SLC39A10: variants seen among roughly 807,000 people sequenced by gnomAD.
SLC39A10 encodes solute carrier family 39 member 10.
In SLC39A10, 13 loss-of-function variants were observed where a neutral mutation model predicts 65.1. That is an observed-to-expected ratio of 0.20 (90% CI 0.13 to 0.32). The LOEUF is 0.32. Among genes scored for constraint, SLC39A10 ranks in the 10% least tolerant of loss-of-function variants. SLC39A10 has a pLI of 1.00. For synonymous variants in SLC39A10, 321 were observed against 342.2 expected (o/e 0.94, Z 0.68); for missense variants, 831 against 1,018.4 (o/e 0.82, Z 2.50).
chr2:195,634,383 A>G (rs1411074052), intron 2 of SLC39A10, among the ~76,000 whole-genome samples: 1 of 152,100 alleles, frequency 6.6e-6, no homozygotes, highest in Non-Finnish European at 1.5e-5. Flanking sequence ...AAGTGTTCTC[A>G]TTATGTTTTT....
chr2:195,729,427 C>T (rs1692360725), intron 9 of SLC39A10, among the ~76,000 whole-genome samples: 2 of 152,218 alleles, frequency 1.3e-5, no homozygotes, highest in South Asian at 4.1e-4. Context: ...CCTATTCTCA[C>T]CCTCAGCTGA....
At chr2:195,714,985 C>T (rs1169020579) in intron 6 of SLC39A10, among the ~76,000 whole-genome samples, 1 of 152,062 alleles carries the variant, frequency 6.6e-6, no homozygotes, top group East Asian at 1.9e-4. Context: ...ATCTCCTGAC[C>T]TCGTGATTCG....
At chr2:195,675,474 C>T (rs113755769) in intron 1 of SLC39A10, among the ~76,000 whole-genome samples, 8 of 152,306 alleles carry the variant, frequency 5.3e-5, no homozygotes, top group African/African-American at 1.2e-4. Flanking sequence ...CTCGCTCTGT[C>T]GCCCAGGCTG....
At chr2:195,693,189 A>G (rs10177772) in intron 3 of SLC39A10, among the ~76,000 whole-genome samples, 80,337 of 151,946 alleles carry the variant, frequency 0.53, 21,755 homozygotes, top group Non-Finnish European at 0.6. Flanking sequence ...TGATCATGGT[A>G]GATTACCGTT....
intron 2 of SLC39A10, among the ~76,000 whole-genome samples, chr2:195,618,330 G>A (rs1297852625): frequency 1.4e-5 from 2 of 145,126 alleles, no homozygotes; most frequent in African/African-American, 2.6e-5. Flanking sequence ...CAGCCTGGGT[G>A]TCAGAATGAG....
chr2:195,680,318 A>AGAGAGAAAAGTAGTT lies in SLC39A10; in HGVS notation c.281_295dup (p.Arg94_Glu98dup). The AGAGAGAAAAGTAGTT allele has an allele frequency of 6.2e-7, 1 of 1,614,150 alleles. No individual in the cohort carries two copies. The highest frequency in any genetic ancestry group is 8.5e-7 in the Non-Finnish European group (1 of 1,180,016). ...AACTTTTAACAAACTTGGGCCTTGG[A>AGAGAGAAAAGTAGTT]GAGAGAAAAGTAGTTGAGATTAATC... On this transcript the variant is annotated inframe_insertion, in exon 2 of 10. Transcript: ENST00000359634.
intron 8 of SLC39A10, among the ~76,000 whole-genome samples, chr2:195,722,545 A>G (rs1692084609): frequency 6.6e-6 from 1 of 152,228 alleles, no homozygotes; most frequent in Non-Finnish European, 1.5e-5. Flanking sequence ...CTCTGATCAG[A>G]TCATCTATTC....
chr2:195,669,547 T>A (rs926978543), intron 1 of SLC39A10, among the ~76,000 whole-genome samples: 3 of 152,246 alleles, frequency 2.0e-5, no homozygotes, highest in African/African-American at 7.2e-5. Flanking sequence ...TAAAAAACAA[T>A]CTAAGACAAA....
chr2:195,662,854 G>T (rs1689461360), intron 1 of SLC39A10, among the ~76,000 whole-genome samples: 1 of 152,184 alleles, frequency 6.6e-6, no homozygotes, highest in Non-Finnish European at 1.5e-5. Context: ...TGCTCTTGCG[G>T]TAAAATACTT....
At position 195,680,746 on chromosome 2, in the gene SLC39A10, A is replaced by G. The variant is rs758431832; in HGVS notation, c.704A>G (p.Lys235Arg). 7 of 1,614,190 alleles carry G rather than the reference A, an allele frequency of 4.3e-6. 1 individual carries two copies. The South Asian group carries it at 7.7e-5, about 18-fold the overall frequency. Reference protein sequence around the residue: ...DVKLPKGKRKKKGRKSNENSE... With the variant: ...DVKLPKGKRKRKGRKSNENSE... ...AAACTACCGAAAGGAAAGAGGAAGA[A>G]AAAAGGGAGGAAAAGTAATGAAAAT... The change falls in exon 2 of 10, where the codon AAA (lysine) becomes AGA (arginine). Residue 235 changes from lysine (K) to arginine (R), a missense_variant. By Grantham distance (26) the Lys-to-Arg change is conservative (BLOSUM62 2). Coordinates refer to ENST00000359634, the MANE Select transcript of SLC39A10 (RefSeq NM_020342.3).
upstream of SLC39A10, among the ~76,000 whole-genome samples, chr2:195,654,260 G>T (rs1313300165): frequency 9.2e-5 from 14 of 152,260 alleles, no homozygotes; most frequent in South Asian, 2.7e-3. Context: ...GTTCTTTATA[G>T]ATTTCATTAA....
intron 3 of SLC39A10, among the ~76,000 whole-genome samples, chr2:195,704,175 C>T (rs547587574): frequency 6.6e-5 from 10 of 152,112 alleles, no homozygotes; most frequent in Non-Finnish European, 1.3e-4. Flanking sequence ...CCTAGAGTAT[C>T]TTAGAGTATG....
At chr2:195,713,397 T>C (rs1416659739) in intron 5 of SLC39A10, 36 bp from the exon 6 acceptor site, 2 of 1,475,846 alleles carry the variant, frequency 1.4e-6, no homozygotes, top group South Asian at 2.7e-5. Flanking sequence ...TCACATTTTA[T>C]ACTAATATCA....
At chr2:195,661,461 AAC>A in intron 1 of SLC39A10, among the ~76,000 whole-genome samples, 1 of 152,214 alleles carries the variant, frequency 6.6e-6, no homozygotes, top group Admixed American at 6.5e-5. Flanking sequence ...GCTGGTCACA[AAC>A]TCTTGGGCTC....
chr2:195,628,415 C>A (rs1160005819), intron 2 of SLC39A10, among the ~76,000 whole-genome samples: 1 of 152,158 alleles, frequency 6.6e-6, no homozygotes, highest in Admixed American at 6.5e-5. Flanking sequence ...TGCTTTATCA[C>A]CTTAGCAGGC....
chr2:195,646,167 A>T (rs971407011), intron 2 of SLC39A10, among the ~76,000 whole-genome samples: 5 of 152,010 alleles, frequency 3.3e-5, no homozygotes, highest in African/African-American at 1.2e-4. Flanking sequence ...GCTGGTCTTG[A>T]ACTCCTGGCC....
chr2:195,733,963 C>CT (rs756761472), intron 9 of SLC39A10, among the ~76,000 whole-genome samples: 6 of 152,018 alleles, frequency 3.9e-5, no homozygotes, highest in Non-Finnish European at 7.4e-5. Flanking sequence ...CTGGATAGCT[C>CT]TGCTAGGTTG....
intron 8 of SLC39A10, among the ~76,000 whole-genome samples, chr2:195,724,311 T>C (rs1177604256): frequency 1.3e-5 from 2 of 152,190 alleles, no homozygotes; most frequent in African/African-American, 4.8e-5. Flanking sequence ...AAAAGATGAA[T>C]AGATTTGCAT....
At chr2:195,664,530 G>C (rs1689558704) in intron 1 of SLC39A10, among the ~76,000 whole-genome samples, 1 of 152,024 alleles carries the variant, frequency 6.6e-6, no homozygotes, top group Non-Finnish European at 1.5e-5. Flanking sequence ...AAAAGGAACA[G>C]AACTGCAGGG....
Sources: allele counts gnomAD v4.1 joint callset (sites outside exome capture counted in the v4.1 genomes callset), GRCh38; gene constraint gnomAD v4.1.1; transcripts MANE v1.5; gene names NCBI Gene and HGNC (gene_info 2026-07-23, HGNC 2026-07-21).